The following CNKSR2 variants were observed in gnomAD, a reference collection of about 807,000 sequenced individuals.
CNKSR2 encodes connector enhancer of kinase suppressor of Ras 2, also known as CNK homolog protein 2.
CNKSR2 carries 14 observed loss-of-function variants against 84.4 expected under a neutral mutation model. The observed-to-expected ratio is 0.17, with a 90% CI of 0.11 to 0.26. CNKSR2 has a LOEUF of 0.26. Ranked by LOEUF, CNKSR2 falls within the 10% of genes least tolerant of loss-of-function variation. The pLI is 1.00. For synonymous variants in CNKSR2, 275 were observed against 277.9 expected, an observed-to-expected ratio of 0.99 and a Z score of 0.10; for missense variants, 485 against 771.2, an observed-to-expected ratio of 0.63 and a Z score of 4.40.
At chrX:21,415,782 TTA>T (rs986053421) in intron 1 of CNKSR2, among the ~76,000 whole-genome samples, 5 of 105,934 alleles carry the variant, frequency 4.7e-5, no homozygotes, top group African/African-American at 1.0e-4. Context: ...ACTTAAAGTA[TTA>T]TATATATATG....
At position 21,440,686 on chromosome X, in the gene CNKSR2, C is replaced by G. The variant is rs773979298; in HGVS notation, c.432-8C>G. On this transcript the variant is annotated splice_polypyrimidine_tract_variant and splice_region_variant and intron_variant, in intron 3 of 21. Coordinates refer to ENST00000379510, the MANE Select transcript of CNKSR2 (RefSeq NM_014927.5). ...CTAGTAATCACAATTTTCCTTTTCC[C>G]TTTATAGGTCACCATTTGCTGCTGT... 4.4e-6 allele frequency: 5 copies of G among 1,142,955 alleles called. No individual in the cohort carries two copies. The African/African-American group carries it at 9.1e-5, about 21-fold the overall frequency. The allele number at this position is 1,142,955 out of a possible 1,213,427, so 94.2% of individuals were successfully genotyped here.
chrX:21,464,682 A>G (rs1393483032), intron 4 of CNKSR2, among the ~76,000 whole-genome samples: 1 of 111,444 alleles, frequency 9.0e-6, no homozygotes, highest in African/African-American at 3.3e-5. Context: ...TTTCATCTCT[A>G]CAGACCCCTC....
At chrX:21,644,125 A>G (rs1421257769) in intron 20 of CNKSR2, 3 of 111,811 alleles carry the variant, frequency 2.7e-5, no homozygotes, top group Non-Finnish European at 5.7e-5. Flanking sequence ...ACTTGATATC[A>G]TTAGCCCGGA....
In CNKSR2 at chrX:21,606,825, A is replaced by G. The variant is rs1348376305; in HGVS notation, c.2091A>G (p.Thr697=). The change falls in exon 19 of 22, where the codon ACA becomes ACG. Residue 697 remains threonine, a synonymous_variant. Coordinates refer to ENST00000379510, the MANE Select transcript of CNKSR2 (RefSeq NM_014927.5). The part of the protein sequence containing the change: ...SDKEEADTPS[T]PKQDSPPPPY... The stretch of plus-strand genomic sequence containing the variant: ...AGGAAGAAGCAGATACTCCATCAAC[A>G]CCAAAACAAGATAGCCCTCCACCCC... 11 of 1,205,522 alleles carry G rather than the reference A, an allele frequency of 9.1e-6. No homozygotes were observed. In the East Asian group the frequency reaches 2.7e-4, roughly 29 times the overall value.
intron 6 of CNKSR2, among the ~76,000 whole-genome samples, chrX:21,497,416 A>G (rs1017492195): frequency 8.9e-6 from 1 of 111,795 alleles, no homozygotes; most frequent in Non-Finnish European, 1.9e-5. Flanking sequence ...TAACATACCA[A>G]TATTTTAATT....
intron 20 of CNKSR2, among the ~76,000 whole-genome samples, chrX:21,648,502 A>G (rs752735303): frequency 1.7e-3 from 189 of 111,539 alleles, no homozygotes; most frequent in African/African-American, 5.8e-3. Context: ...TAATTCTTTG[A>G]ACTTGCTGGA....
chrX:21,475,226 T>G lies in CNKSR2; in HGVS notation c.561+4419T>G, dbSNP rs1039120120. Reference sequence around the variant, plus strand: ...ATAACACAAAGAAATGATAAATGCTTGAAGTGATGGATACCCCCATTTACC... The same window carrying G: ...ATAACACAAAGAAATGATAAATGCTGGAAGTGATGGATACCCCCATTTACC... On this transcript the variant is annotated intron_variant, in intron 5 of 21. Coordinates refer to ENST00000379510, the MANE Select transcript of CNKSR2 (RefSeq NM_014927.5). Among the ~76,000 whole-genome samples the G allele has an allele frequency of 7.1e-5, 8 of 111,891 alleles. No homozygotes were observed. The Admixed American group carries it at 7.6e-4, about 11-fold the overall frequency.
intron 4 of CNKSR2, among the ~76,000 whole-genome samples, chrX:21,443,351 G>A (rs2090811729): frequency 9.0e-6 from 1 of 111,452 alleles, no homozygotes; most frequent in South Asian, 3.7e-4. Context: ...CATTTACAGT[G>A]AAATCTGAAT....
chrX:21,613,965 A>G (rs2092564331), intron 20 of CNKSR2, among the ~76,000 whole-genome samples: 1 of 110,451 alleles, frequency 9.1e-6, no homozygotes, highest in Non-Finnish European at 1.9e-5. Context: ...AAAGAAAGAA[A>G]AAAAATTAGC....
intron 1 of CNKSR2, among the ~76,000 whole-genome samples, chrX:21,378,342 A>G (rs2089849923): frequency 8.9e-6 from 1 of 112,170 alleles, no homozygotes; most frequent in Admixed American, 9.4e-5. Flanking sequence ...TTTATATTTT[A>G]AAACATAAAC....
chrX:21,460,689 C>CGG lies in CNKSR2; in HGVS notation c.520-10077_520-10076insGG, dbSNP rs2091050455. On this transcript the variant is annotated intron_variant, in intron 4 of 21. Transcript: ENST00000379510. ...GTACCCATCCCCACTTCTCCTCCAC[C>CGG]CCCACTGCTATATTTCCCAGCCTCT... 4.5e-5 allele frequency among the ~76,000 whole-genome samples: 5 copies of CGG among 110,956 alleles called. No individual in the cohort carries two copies. The Admixed American group carries it at 4.8e-4, about 11-fold the overall frequency.
intron 11 of CNKSR2, among the ~76,000 whole-genome samples, chrX:21,540,812 A>G (rs2091969940): frequency 1.8e-5 from 2 of 112,217 alleles, no homozygotes; most frequent in South Asian, 3.7e-4. Flanking sequence ...AGCAAAAGCG[A>G]TATGACACAG....
At chrX:21,614,384 CAAAT>C (rs1272501648) in intron 20 of CNKSR2, among the ~76,000 whole-genome samples, 3 of 111,429 alleles carry the variant, frequency 2.7e-5, no homozygotes, top group African/African-American at 6.5e-5. Context: ...TATACACACA[CAAAT>C]AATTTTAAAG....
intron 13 of CNKSR2, among the ~76,000 whole-genome samples, chrX:21,577,655 G>A (rs2092327617): frequency 9.1e-6 from 1 of 109,814 alleles, no homozygotes; most frequent in Non-Finnish European, 1.9e-5. Context: ...CACCCTACTC[G>A]TATTACCTTG....
chrX:21,532,682 T>C (rs184434868), intron 11 of CNKSR2, among the ~76,000 whole-genome samples: 18 of 111,726 alleles, frequency 1.6e-4, no homozygotes, highest in African/African-American at 5.5e-4. Context: ...CAGTCACAAA[T>C]ACTTAAAATT....
At chrX:21,648,234 C>T (rs1490839095) in intron 20 of CNKSR2, among the ~76,000 whole-genome samples, 1 of 111,589 alleles carries the variant, frequency 9.0e-6, no homozygotes, top group Non-Finnish European at 1.9e-5. Flanking sequence ...CAAGGCATTA[C>T]TATGGCAGTC....
chrX:21,374,448 G>A lies in CNKSR2; in HGVS notation c.-450G>A. 3.2e-6 allele frequency: 1 copy of A among 312,935 alleles called. No homozygotes were observed. Among genetic ancestry groups the A allele is most frequent in the Non-Finnish European group, 5.6e-6 (1 of 177,811 alleles). The allele number at this position is 312,935 out of a possible 1,213,427, so 25.8% of individuals were successfully genotyped here. A position where few individuals can be genotyped will look rare whatever the true frequency, so the allele number is the denominator to read the frequency against. On this transcript the variant is annotated 5_prime_UTR_variant, in exon 1 of 22. Coordinates refer to ENST00000379510, the MANE Select transcript of CNKSR2 (RefSeq NM_014927.5). ...TTCCGCCGGGCAGCTAGTCGTGCTC[G>A]GGGCTTCACTCCCGCGCGTGAGGCG...
At chrX:21,548,209 T>A (rs779875193) in intron 11 of CNKSR2, among the ~76,000 whole-genome samples, 4 of 110,915 alleles carry the variant, frequency 3.6e-5, no homozygotes, top group Non-Finnish European at 5.7e-5. Flanking sequence ...AAGAATCAAA[T>A]AGACACAATA....
At chrX:21,441,062 C>T (rs779708607) in intron 4 of CNKSR2, 2 of 160,400 alleles carry the variant, frequency 1.2e-5, no homozygotes, top group East Asian at 2.6e-4. Flanking sequence ...TGATTTTCCA[C>T]TTCAAATATT....
Sources: gnomAD v4.1 joint callset for allele counts (sites outside exome capture counted in the v4.1 genomes callset) on GRCh38, gnomAD v4.1.1 for gene constraint, MANE v1.5 for transcripts, NCBI Gene and HGNC (gene_info 2026-07-23, HGNC 2026-07-21) for gene names.